SPO11: variants seen among roughly 807,000 people sequenced by gnomAD.
SPO11 encodes the protein meiotic recombination protein SPO11.
Under a neutral mutation model 51.6 loss-of-function variants are expected in SPO11, and 49 were observed. That is an observed-to-expected ratio of 0.95 (90% confidence interval 0.75 to 1.20). SPO11 has a LOEUF of 1.20. Ranked by LOEUF, SPO11 falls within the 50% of genes most tolerant of loss-of-function variation. SPO11 has a pLI of 0.00. For synonymous variants in SPO11, 176 were observed against 158.2 expected (o/e 1.11, Z -0.84); for missense variants, 431 against 473.4 (o/e 0.91, Z 0.83).
chr20:57,338,941 C>A, intron 9 of SPO11, 48 bp from the exon 10 acceptor site: 2 of 1,223,516 alleles, frequency 1.6e-6, no homozygotes, highest in Non-Finnish European at 2.3e-6. Flanking sequence ...GCAAATTAAC[C>A]TGTAATATGT....
chr20:57,335,660 A>G, intron 7 of SPO11, 138 bp from the exon 8 acceptor site: 1 of 682,638 alleles, frequency 1.5e-6, no homozygotes, highest in South Asian at 1.9e-5. Flanking sequence ...ATATGAATAG[A>G]TGTGTTTATA....
chr20:57,334,912 T>G, intron 6 of SPO11, 76 bp downstream of exon 6: 3 of 1,242,986 alleles, frequency 2.4e-6, no homozygotes, highest in Non-Finnish European at 3.4e-6. Flanking sequence ...TTTTATTTCT[T>G]GCTTTATTAT....
At chr20:57,334,117 A>T (rs764749126) in intron 5 of SPO11, 22 bp downstream of exon 5, 2 of 1,192,616 alleles carry the variant, frequency 1.7e-6, no homozygotes, top group South Asian at 3.4e-5. Flanking sequence ...CTAATACAAA[A>T]CATTTTATTT....
Position 57,333,185 on chromosome 20 carries a change from C to A in SPO11, c.246-3C>A. Reference sequence around the variant, plus strand: ...TTTTCCTTTGCTTTAAACAAAATGACAGGTTTGAAGATTCTGTGGGTCTTC... The same window carrying A: ...TTTTCCTTTGCTTTAAACAAAATGAAAGGTTTGAAGATTCTGTGGGTCTTC... On this transcript the variant is annotated splice_polypyrimidine_tract_variant and splice_region_variant and intron_variant, in intron 2 of 12. Transcript: ENST00000371263. 1 of 1,590,414 alleles carries A rather than the reference C, an allele frequency of 6.3e-7. No individual in the cohort carries two copies. Among genetic ancestry groups the A allele is most frequent in the Non-Finnish European group, 8.5e-7 (1 of 1,172,680 alleles).
chr20:57,331,747 C>T, intron 1 of SPO11, 86 bp from the exon 2 acceptor site: 1 of 635,140 alleles, frequency 1.6e-6, no homozygotes, highest in South Asian at 3.7e-5. Flanking sequence ...TAAAAAGTTA[C>T]TTTAGTATTG....
At chr20:57,331,783 A>C in intron 1 of SPO11, 50 bp from the exon 2 acceptor site, 1 of 1,123,750 alleles carries the variant, frequency 8.9e-7, no homozygotes, top group Non-Finnish European at 1.2e-6. Context: ...ACATATTAAA[A>C]AGTCAAAATT....
chr20:57,330,141 C>T, intron 1 of SPO11, 143 bp downstream of exon 1: 1 of 1,237,142 alleles, frequency 8.1e-7, no homozygotes, highest in Non-Finnish European at 1.1e-6. Flanking sequence ...AAGATCCTTC[C>T]TGAGTACCCG....
At chr20:57,336,138 G>A (rs556950571) in intron 8 of SPO11, among the ~76,000 whole-genome samples, 6 of 152,048 alleles carry the variant, frequency 3.9e-5, no homozygotes, top group African/African-American at 7.2e-5. Context: ...TGCCCAGGCC[G>A]AAGTACCATG....
chr20:57,335,452 C>A lies in SPO11; in HGVS notation c.631C>A (p.Arg211=). ...TGTGCCATCGAATATTCAAGGAATT[C>A]GGAGTATCCTTTAAGTGGGAAAACT... ...VAVPSNIQGI[R]NLVTDAKFVL... The change falls in exon 7 of 13, where the codon CGG becomes AGG. Residue 211 remains arginine (R), a synonymous_variant. Coordinates refer to ENST00000371263, the MANE Select transcript of SPO11 (RefSeq NM_012444.3). 6.2e-7 allele frequency: 1 copy of A among 1,609,662 alleles called. No individual in the cohort carries two copies. The highest frequency in any genetic ancestry group is 1.1e-5 in the South Asian group (1 of 89,938).
Position 57,339,044 on chromosome 20 carries a change from G to A in SPO11, c.882+18G>A. On this transcript the variant is annotated intron_variant, in intron 10 of 12. Coordinates refer to ENST00000371263, the MANE Select transcript of SPO11 (RefSeq NM_012444.3). ...GATCTATGGTAAGTATAGAAAAGCA[G>A]TTTTCCTTTTTTATTATTTAGACAT... 1.4e-6 allele frequency: 2 copies of A among 1,430,504 alleles called. No individual in the cohort carries two copies. Among genetic ancestry groups the A allele is most frequent in the African/African-American group, 2.9e-5 (2 of 68,628 alleles). 88.6% of individuals were successfully genotyped at this position (1,430,504 alleles called of 1,614,324 possible).
intron 1 of SPO11, 79 bp from the exon 2 acceptor site, chr20:57,331,753 TA>T (rs1457045644): frequency 5.8e-6 from 4 of 690,988 alleles, no homozygotes; most frequent in Non-Finnish European, 6.9e-6. Flanking sequence ...GTTACTTTAG[TA>T]TTGATCTGGG....
chr20:57,337,721 T>C (rs1211136710), intron 8 of SPO11: 6 of 1,299,152 alleles, frequency 4.6e-6, no homozygotes, highest in Non-Finnish European at 6.0e-6. Flanking sequence ...GTATATAATG[T>C]ACATTTTTTT....
In SPO11 at chr20:57,330,027, C is replaced by A. The variant is rs199671760; in HGVS notation, c.131+29C>A. On this transcript the variant is annotated intron_variant, in intron 1 of 12. Coordinates refer to ENST00000371263, the MANE Select transcript of SPO11 (RefSeq NM_012444.3). ...CAGGAGCTGGTGCCGAGGCGCGACG[C>A]AGCCACTCTGTAGAAAAGTCGGGCG... The A allele has an allele frequency of 3.9e-6, 6 of 1,550,826 alleles. No homozygotes were observed. In the Admixed American group the frequency reaches 1.2e-4, roughly 30 times the overall value.
intron 1 of SPO11, 125 bp downstream of exon 1, chr20:57,330,123 C>G (rs1480860730): frequency 5.2e-6 from 7 of 1,342,760 alleles, no homozygotes; most frequent in Non-Finnish European, 6.9e-6. Context: ...CAGCCAGGAA[C>G]CCCCAAAAAG....
chr20:57,335,429 T>C lies in SPO11; in HGVS notation c.608T>C (p.Val203Ala), dbSNP rs1298568169. 1.2e-6 allele frequency: 2 copies of C among 1,610,586 alleles called. No individual in the cohort carries two copies. The highest frequency in any genetic ancestry group is 2.2e-5 in the East Asian group (1 of 44,840). The change falls in exon 7 of 13, where the codon GTG (valine) becomes GCG (alanine). Residue 203 changes from valine (V) to alanine (A), a missense_variant. Coordinates refer to ENST00000371263, the MANE Select transcript of SPO11 (RefSeq NM_012444.3). The part of the protein sequence containing the change: ...NCTCGATAVA[V>A]PSNIQGIRNL... Reference sequence around the variant, plus strand: ...CTTTTTTTTTAAAAGGCTGTTGCTGTGCCATCGAATATTCAAGGAATTCGG... The same window carrying C: ...CTTTTTTTTTAAAAGGCTGTTGCTGCGCCATCGAATATTCAAGGAATTCGG...
At chr20:57,337,866 T>C (rs898751709) in intron 8 of SPO11, 3 of 676,286 alleles carry the variant, frequency 4.4e-6, no homozygotes, top group Non-Finnish European at 6.5e-6. Context: ...TGTATGAGCA[T>C]AACCTATAAT....
chr20:57,331,736 A>C (rs2066452540), intron 1 of SPO11, 97 bp from the exon 2 acceptor site: 1 of 592,510 alleles, frequency 1.7e-6, no homozygotes, highest in African/African-American at 1.9e-5. Context: ...AAAGAATAAA[A>C]TAAAAAGTTA....
intron 8 of SPO11, among the ~76,000 whole-genome samples, chr20:57,337,286 CATA>C (rs1352506233): frequency 1.3e-5 from 2 of 152,200 alleles, no homozygotes; most frequent in African/African-American, 4.8e-5. Flanking sequence ...TTAATGACTT[CATA>C]ATATTATCCC....
intron 8 of SPO11, chr20:57,337,830 G>A: frequency 2.6e-6 from 3 of 1,133,568 alleles, no homozygotes; most frequent in East Asian, 5.6e-5. Context: ...CAGGGTTGCT[G>A]TGGCCACATG....
Sources: allele counts gnomAD v4.1 joint callset (sites outside exome capture counted in the v4.1 genomes callset), GRCh38; gene constraint gnomAD v4.1.1; transcripts MANE v1.5; gene names NCBI Gene and HGNC (gene_info 2026-07-23, HGNC 2026-07-21).